Variants in OTUD3 observed in about 807,000 individuals in gnomAD.
OTUD3 encodes the protein OTU deubiquitinase 3, also known as OTU domain-containing protein 3.
OTUD3 carries 24 observed loss-of-function variants against 46.2 expected under a neutral mutation model. The ratio of observed to expected loss-of-function variants is 0.52; its 90% CI spans 0.38 to 0.73. OTUD3 has a LOEUF of 0.73. OTUD3 is among the 30% of genes least tolerant of loss of function. The pLI is 0.00. For missense variants in OTUD3, 455 were observed against 523.3 expected, an observed-to-expected ratio of 0.87 and a Z score of 1.27; for synonymous variants, 189 against 195.4, an observed-to-expected ratio of 0.97 and a Z score of 0.27.
At chr1:19,900,544 G>C (rs10916667) in intron 4 of OTUD3, among the ~76,000 whole-genome samples, 81,246 of 151,980 alleles carry the variant, frequency 0.53, 22,226 homozygotes, top group African/African-American at 0.61. Context: ...AATTTATATT[G>C]AAATAAGGGT....
rs1289817309 is a variant in OTUD3 at position 19,912,057 on chromosome 1, G to A, written c.*4311G>A. 1 of 152,378 alleles carries A rather than the reference G, an allele frequency of 6.6e-6. No individual in the cohort carries two copies. Among genetic ancestry groups the A allele is most frequent in the African/African-American group, 2.4e-5 (1 of 41,450 alleles). 9.4% of individuals were successfully genotyped at this position (152,378 alleles called of 1,614,324 possible). A position where few individuals can be genotyped will look rare whatever the true frequency, so the allele number is the denominator to read the frequency against. ...GCATCCTTGCAGAATTACTTGAGAAGGGGCTGGTACCAGTGTAAAGAATCT... is the reference window on the plus strand; with the variant it reads ...GCATCCTTGCAGAATTACTTGAGAAAGGGCTGGTACCAGTGTAAAGAATCT... On this transcript the variant is annotated 3_prime_UTR_variant, in exon 8 of 8. Transcript: ENST00000375120.
At chr1:19,898,679 C>T (rs570832865) in intron 4 of OTUD3, among the ~76,000 whole-genome samples, 2 of 148,428 alleles carry the variant, frequency 1.3e-5, no homozygotes, top group African/African-American at 5.0e-5. Context: ...AGTGAGTCGA[C>T]ATAGCACCAT....
At chr1:19,904,235 A>T in intron 4 of OTUD3, 32 bp from the exon 5 acceptor site, 1 of 1,541,286 alleles carries the variant, frequency 6.5e-7, no homozygotes. Flanking sequence ...GATTCTCAAC[A>T]TAGTTCCCTG....
chr1:19,897,495 T>C lies in OTUD3; in HGVS notation c.484-45T>C, dbSNP rs577559094. On this transcript the variant is annotated intron_variant, in intron 3 of 7. Coordinates refer to ENST00000375120, the MANE Select transcript of OTUD3 (RefSeq NM_015207.2). ...GTGGGTGTTTCTCTCCAGAAGTTGA[T>C]AGTGTTCAGATCCTCACTGGCATGG... The C allele has an allele frequency of 2.5e-6, 4 of 1,607,222 alleles. No individual in the cohort carries two copies. The East Asian group carries it at 8.9e-5, about 36-fold the overall frequency.
chr1:19,892,631 C>T (rs570955086), intron 2 of OTUD3, among the ~76,000 whole-genome samples: 2 of 152,136 alleles, frequency 1.3e-5, no homozygotes, highest in Non-Finnish European at 2.9e-5. Flanking sequence ...TATCTTCCTC[C>T]CTTCTCTTAC....
chr1:19,892,514 A>G (rs943316258), intron 2 of OTUD3, among the ~76,000 whole-genome samples: 3 of 152,154 alleles, frequency 2.0e-5, no homozygotes, highest in African/African-American at 7.2e-5. Context: ...ATCTGGCTGT[A>G]TCTTTAGGAT....
At chr1:19,885,732 G>GT in intron 1 of OTUD3, among the ~76,000 whole-genome samples, 1 of 152,338 alleles carries the variant, frequency 6.6e-6, no homozygotes, top group East Asian at 1.9e-4. Context: ...GGAATTACAG[G>GT]TGTGAGCCAC....
chr1:19,897,718 G>T, intron 4 of OTUD3, 56 bp downstream of exon 4: 5 of 1,564,644 alleles, frequency 3.2e-6, no homozygotes, highest in Non-Finnish European at 4.3e-6. Flanking sequence ...AACAGATTGA[G>T]AGCTGTATAT....
At chr1:19,883,123 T>C (rs1213970819) in intron 1 of OTUD3, among the ~76,000 whole-genome samples, 1 of 152,180 alleles carries the variant, frequency 6.6e-6, no homozygotes, top group Non-Finnish European at 1.5e-5. Context: ...ATAAGACCAG[T>C]TGAAGGAGTT....
In OTUD3 at chr1:19,882,447, G is replaced by A. The variant is rs532824516; in HGVS notation, c.-67G>A. The stretch of plus-strand genomic sequence containing the variant: ...GCCCGCGCTGTTTTACCTTCCCAAC[G>A]CTTGAGGCGGACGCTGGGGGGTCCT... On this transcript the variant is annotated 5_prime_UTR_variant, in exon 1 of 8. Coordinates refer to ENST00000375120, the MANE Select transcript of OTUD3 (RefSeq NM_015207.2). 22 of 1,318,700 alleles carry A rather than the reference G, an allele frequency of 1.7e-5. No homozygotes were observed. In the African/African-American group the frequency reaches 3.2e-4, roughly 19 times the overall value. 81.7% of individuals were successfully genotyped at this position (1,318,700 alleles called of 1,614,324 possible).
In OTUD3 at chr1:19,882,733, G is replaced by T; in HGVS notation, c.220G>T (p.Gly74Cys). ...GLKLREVPGD[G>C]NCLFRALGDQ... is the part of the protein sequence containing the mutation. ...GAAGCTGCGGGAGGTGCCGGGGGAC[G>T]GGTGAGGCGGGCCGGGAGCGAGGGA... The change falls in exon 1 of 8, where the codon GGC becomes TGC. Residue 74 changes from glycine (G) to cysteine (C), a missense_variant and splice_region_variant. Gly to Cys is a radical substitution (Grantham distance 159, BLOSUM62 -3). Transcript: ENST00000375120. 7.4e-7 allele frequency: 1 copy of T among 1,347,580 alleles called. No homozygotes were observed. The highest frequency in any genetic ancestry group is 3.1e-5 in the East Asian group (1 of 32,018). The allele number at this position is 1,347,580 out of a possible 1,614,324, so 83.5% of individuals were successfully genotyped here.
chr1:19,888,931 A>G (rs777555587), intron 1 of OTUD3, among the ~76,000 whole-genome samples: 2 of 152,222 alleles, frequency 1.3e-5, no homozygotes, highest in African/African-American at 2.4e-5. Flanking sequence ...TCATGTTATT[A>G]AAAGTTCCTA....
intron 1 of OTUD3, among the ~76,000 whole-genome samples, chr1:19,883,923 T>C (rs1219098966): frequency 6.6e-6 from 1 of 152,248 alleles, no homozygotes; most frequent in Non-Finnish European, 1.5e-5. Context: ...TCAGGCAGAT[T>C]GGATTTCTTT....
At chr1:19,884,359 G>C (rs1245736903) in intron 1 of OTUD3, among the ~76,000 whole-genome samples, 1 of 152,034 alleles carries the variant, frequency 6.6e-6, no homozygotes, top group African/African-American at 2.4e-5. Context: ...AAACTTTGGG[G>C]GTACTACTTC....
intron 4 of OTUD3, among the ~76,000 whole-genome samples, chr1:19,901,050 C>T (rs1035040905): frequency 1.3e-5 from 2 of 151,306 alleles, no homozygotes; most frequent in South Asian, 2.1e-4. Context: ...GCTGGGATTA[C>T]AGGCGCTCGC....
rs36114504 is a variant in OTUD3 at position 19,903,040 on chromosome 1, CTTTTTTTTTTTT to C, written c.607-1213_607-1202del. The stretch of plus-strand genomic sequence containing the variant: ...TAGCACTTTTACCTGAATCTTTTCT[CTTTTTTTTTTTT>C]TTTTTTTTTTTTTGAGACAAGGTCT... On this transcript the variant is annotated intron_variant, in intron 4 of 7. Coordinates refer to ENST00000375120, the MANE Select transcript of OTUD3 (RefSeq NM_015207.2). 5.0e-4 allele frequency among the ~76,000 whole-genome samples: 29 copies of C among 58,054 alleles called. No homozygotes were observed. In the Admixed American group the frequency reaches 5.8e-3, roughly 12 times the overall value. 38.1% of individuals were successfully genotyped at this position (58,054 alleles called of 152,430 possible).
chr1:19,888,065 A>T (rs1323406521), intron 1 of OTUD3, among the ~76,000 whole-genome samples: 1 of 152,206 alleles, frequency 6.6e-6, no homozygotes, highest in African/African-American at 2.4e-5. Flanking sequence ...TCAAGCAGGG[A>T]TGATTTTGCC....
At chr1:19,906,958 A>G in intron 7 of OTUD3, 1 of 179,440 alleles carries the variant, frequency 5.6e-6, no homozygotes. Context: ...CTTTGTGTAT[A>G]AATCTTTGGT....
chr1:19,897,636 G>C lies in OTUD3; in HGVS notation c.580G>C (p.Glu194Gln). The change falls in exon 4 of 8, where the codon GAG (glutamate) becomes CAG (glutamine). Residue 194 changes from glutamate (E) to glutamine (Q), a missense_variant. Physicochemically the swap from Glu to Gln is conservative, Grantham distance 29. Transcript: ENST00000375120. ...DSVRRINDNS[E>Q]APAHLQTDFQ... The stretch of plus-strand genomic sequence containing the variant: ...TGTTCGGAGGATCAATGACAACTCA[G>C]AGGCACCTGCACATCTCCAGACGGA... The C allele has an allele frequency of 1.2e-6, 2 of 1,614,022 alleles. No individual in the cohort carries two copies. The highest frequency in any genetic ancestry group is 2.2e-5 in the South Asian group (2 of 91,074).
Sources: allele counts gnomAD v4.1 joint callset (sites outside exome capture counted in the v4.1 genomes callset), GRCh38; gene constraint gnomAD v4.1.1; transcripts MANE v1.5; gene names NCBI Gene and HGNC (gene_info 2026-07-23, HGNC 2026-07-21).